EVL: variants seen among roughly 807,000 people sequenced by gnomAD.
EVL encodes Enah/Vasp-like, also known as ena/VASP-like protein.
A neutral mutation model predicts 59.6 loss-of-function variants in EVL; 21 were observed. The ratio of observed to expected loss-of-function variants is 0.35; its 90% CI spans 0.25 to 0.51. The LOEUF (loss-of-function observed/expected upper bound fraction) is 0.51, where lower values mean the gene tolerates loss of function less well. Among genes scored for constraint, EVL ranks in the 20% least tolerant of loss-of-function variants. The pLI is 0.97. For synonymous variants in EVL, 198 were observed against 203.5 expected, an observed-to-expected ratio of 0.97 and a Z score of 0.23; for missense variants, 462 against 546.6, an observed-to-expected ratio of 0.85 and a Z score of 1.54.
intron 1 of EVL, among the ~76,000 whole-genome samples, chr14:100,053,423 C>T (rs550094735): frequency 2.1e-4 from 30 of 143,840 alleles, no homozygotes; most frequent in African/African-American, 7.3e-4. Context: ...TCTTTATCGT[C>T]GTTTTAAAAT....
chr14:100,040,197 A>C (rs1236868923), intron 1 of EVL, among the ~76,000 whole-genome samples: 1 of 152,174 alleles, frequency 6.6e-6, no homozygotes, highest in Non-Finnish European at 1.5e-5. Flanking sequence ...TGCTGCCCTT[A>C]CTACAGATTT....
chr14:100,077,651 G>A (rs958516620), intron 1 of EVL, among the ~76,000 whole-genome samples: 1 of 152,152 alleles, frequency 6.6e-6, no homozygotes, highest in Non-Finnish European at 1.5e-5. Context: ...CAGCAAACGT[G>A]TGTTACAGTA....
At chr14:100,135,770 T>G in intron 8 of EVL, 135 bp from the exon 9 acceptor site, 1 of 785,834 alleles carries the variant, frequency 1.3e-6, no homozygotes, top group Non-Finnish European at 2.1e-6. Context: ...AAATATTTAA[T>G]GTTTTGCTAA....
intron 1 of EVL, among the ~76,000 whole-genome samples, chr14:100,046,439 G>T (rs2140240238): frequency 6.6e-6 from 1 of 152,190 alleles, no homozygotes; most frequent in South Asian, 2.1e-4. Flanking sequence ...GGCCCAGGCG[G>T]GCAGATCACT....
chr14:99,974,178 T>C (rs1228024443), intron 1 of EVL, among the ~76,000 whole-genome samples: 1 of 152,240 alleles, frequency 6.6e-6, no homozygotes, highest in Non-Finnish European at 1.5e-5. Context: ...TATTCAGTTA[T>C]ACAACCATTA....
At chr14:100,079,202 T>G (rs1461042805) in intron 1 of EVL, among the ~76,000 whole-genome samples, 1 of 152,252 alleles carries the variant, frequency 6.6e-6, no homozygotes, top group African/African-American at 2.4e-5. Flanking sequence ...GTTTCCTGAC[T>G]CGCCCATCCC....
intron 1 of EVL, among the ~76,000 whole-genome samples, chr14:100,077,485 C>T (rs1254699344): frequency 6.6e-6 from 1 of 152,170 alleles, no homozygotes; most frequent in Non-Finnish European, 1.5e-5. Context: ...TATGGCTCCA[C>T]ATTTTAGAAG....
intron 1 of EVL, among the ~76,000 whole-genome samples, chr14:100,027,993 G>A (rs1165177756): frequency 2.0e-5 from 3 of 152,114 alleles, no homozygotes; most frequent in Non-Finnish European, 2.9e-5. Flanking sequence ...TATCTGGACC[G>A]TTGTGACTAA....
chr14:99,975,479 T>C (rs1189766091), intron 1 of EVL, among the ~76,000 whole-genome samples: 1 of 152,218 alleles, frequency 6.6e-6, no homozygotes, highest in Admixed American at 6.5e-5. Context: ...GCTACAGTGA[T>C]ATATGTGAGA....
intron 3 of EVL, among the ~76,000 whole-genome samples, chr14:100,098,057 G>A (rs1885941285): frequency 6.6e-6 from 1 of 152,158 alleles, no homozygotes; most frequent in Non-Finnish European, 1.5e-5. Context: ...TGCTTACTGA[G>A]GGCAAGAAAC....
At chr14:100,125,047 GACAC>G (rs10569974) in intron 4 of EVL, among the ~76,000 whole-genome samples, 33 of 144,466 alleles carry the variant, frequency 2.3e-4, no homozygotes, top group Middle Eastern at 3.8e-3. Context: ...CATGTGGATA[GACAC>G]ACACACACAC....
chr14:100,133,324 G>A (rs991727003), intron 8 of EVL, among the ~76,000 whole-genome samples: 5 of 152,212 alleles, frequency 3.3e-5, no homozygotes, highest in African/African-American at 1.2e-4. Context: ...AGTTAGGGCG[G>A]CTAATTCTCT....
intron 6 of EVL, among the ~76,000 whole-genome samples, chr14:100,129,310 A>G (rs1888283461): frequency 6.6e-6 from 1 of 150,656 alleles, no homozygotes; most frequent in South Asian, 2.1e-4. Context: ...TGGCAAAGAC[A>G]CTAACCATGA....
chr14:100,006,018 C>T (rs796381665), intron 1 of EVL, among the ~76,000 whole-genome samples: 24 of 147,762 alleles, frequency 1.6e-4, no homozygotes, highest in South Asian at 4.4e-4. Flanking sequence ...TTCCCCCCCC[C>T]CCCCCACACC....
At chr14:99,997,667 G>T (rs2060922483) in intron 1 of EVL, among the ~76,000 whole-genome samples, 1 of 152,336 alleles carries the variant, frequency 6.6e-6, no homozygotes, top group Admixed American at 6.5e-5. Flanking sequence ...GGCAGAACTA[G>T]GTCAGGTGAG....
At chr14:100,047,593 G>A (rs964257568) in intron 1 of EVL, among the ~76,000 whole-genome samples, 5 of 152,146 alleles carry the variant, frequency 3.3e-5, no homozygotes, top group African/African-American at 1.2e-4. Flanking sequence ...TTGCCGTCAA[G>A]GAATGCTTCC....
chr14:99,979,129 T>C (rs1010426270), intron 1 of EVL, among the ~76,000 whole-genome samples: 1 of 152,014 alleles, frequency 6.6e-6, no homozygotes, highest in Admixed American at 6.6e-5. Context: ...TAAGGAGGTG[T>C]AAGGAACTAG....
rs570479921 is a variant in EVL at position 100,100,748 on chromosome 14, G to A, written c.358+3090G>A. Among the ~76,000 whole-genome samples, 9 of 131,904 alleles carry A rather than the reference G, an allele frequency of 6.8e-5. 1 individual carries two copies. In the South Asian group the frequency reaches 1.9e-3, roughly 28 times the overall value. The allele number at this position is 131,904 out of a possible 152,430, so 86.5% of individuals were successfully genotyped here. A position where few individuals can be genotyped will look rare whatever the true frequency, so the allele number is the denominator to read the frequency against. ...TGCAGTGAGCCAAGATTGCACCACT[G>A]CACTCCAGCCTGTGTGACAGAGCAA... is the stretch of plus-strand genomic sequence containing the variant. On this transcript the variant is annotated intron_variant, in intron 3 of 13. Transcript: ENST00000392920.
chr14:100,066,225 T>A (rs1220115585), intron 1 of EVL, among the ~76,000 whole-genome samples: 2 of 152,242 alleles, frequency 1.3e-5, no homozygotes, highest in African/African-American at 4.8e-5. Flanking sequence ...TAGCATAAAG[T>A]AACAATCCCT....
Sources: gnomAD v4.1 joint callset for allele counts (sites outside exome capture counted in the v4.1 genomes callset) on GRCh38, gnomAD v4.1.1 for gene constraint, MANE v1.5 for transcripts, NCBI Gene and HGNC (gene_info 2026-07-23, HGNC 2026-07-21) for gene names.